The following RMDN1 variants were observed in gnomAD, a reference collection of about 807,000 sequenced individuals.
RMDN1 encodes regulator of microtubule dynamics 1.
Under a neutral mutation model 48.9 loss-of-function variants are expected in RMDN1, and 48 were observed. The observed-to-expected ratio is 0.98, with a 90% CI of 0.78 to 1.25. The LOEUF (loss-of-function observed/expected upper bound fraction) is 1.25, where lower values mean the gene tolerates loss of function less well. Ranked by LOEUF, RMDN1 falls within the 50% of genes most tolerant of loss-of-function variation. The pLI is 0.00. For synonymous variants in RMDN1, 148 were observed against 132.6 expected (o/e 1.12, Z -0.80); for missense variants, 418 against 373.4 (o/e 1.12, Z -0.98).
intron 2 of RMDN1, among the ~76,000 whole-genome samples, chr8:86,490,355 C>A (rs1816285341): frequency 6.6e-6 from 1 of 152,082 alleles, no homozygotes; most frequent in African/African-American, 2.4e-5. Flanking sequence ...CCCAGGTAGG[C>A]CCAATATAAT....
At chr8:86,469,185 G>A (rs567475259), downstream of RMDN1, among the ~76,000 whole-genome samples, 35 of 150,082 alleles carry the variant, frequency 2.3e-4, no homozygotes, top group Non-Finnish European at 4.6e-4. Flanking sequence ...TGTTTGTCCC[G>A]CCCCCCCCAT....
At chr8:86,497,779 A>G (rs946169349) in intron 2 of RMDN1, among the ~76,000 whole-genome samples, 2 of 152,072 alleles carry the variant, frequency 1.3e-5, no homozygotes, top group Non-Finnish European at 2.9e-5. Context: ...GACAATGGGA[A>G]TATTAACACT....
At chr8:86,493,928 C>G (rs907677690) in intron 2 of RMDN1, among the ~76,000 whole-genome samples, 5 of 152,112 alleles carry the variant, frequency 3.3e-5, no homozygotes, top group African/African-American at 1.2e-4. Context: ...GGAAACACTT[C>G]TAGTCCCAAG....
intron 2 of RMDN1, among the ~76,000 whole-genome samples, chr8:86,501,130 T>C (rs915417506): frequency 6.6e-6 from 1 of 152,062 alleles, no homozygotes; most frequent in Middle Eastern, 3.2e-3. Context: ...AAATCACTTG[T>C]ACACCGAATT....
chr8:86,504,972 A>G (rs7463186), intron 2 of RMDN1: 762,054 of 1,430,920 alleles, frequency 0.53, 205,350 homozygotes, highest in Admixed American at 0.7. Flanking sequence ...ATGGGCCTTT[A>G]AAAGGCAGGC....
rs1419383427 is a variant in RMDN1 at position 86,473,445 on chromosome 8, T to G, written c.*863A>C. On this transcript the variant is annotated 3_prime_UTR_variant, in exon 10 of 10. Transcript: ENST00000406452. ...TAGAACTTTGCATCTGATGACAAAT[T>G]CAGTTTACCATGAGACTACACCACA... The G allele has an allele frequency of 1.0e-6, 1 of 985,368 alleles. No homozygotes were observed. Among genetic ancestry groups the G allele is most frequent in the Non-Finnish European group, 1.2e-6 (1 of 829,908 alleles). 61.0% of individuals were successfully genotyped at this position (985,368 alleles called of 1,614,324 possible).
intron 2 of RMDN1, among the ~76,000 whole-genome samples, chr8:86,492,651 T>TTAATAATAA (rs71574272): frequency 3.8e-4 from 55 of 144,280 alleles, no homozygotes; most frequent in East Asian, 8.1e-4. Flanking sequence ...AGACTCCGCC[T>TTAATAATAA]TAATAATAAT....
intron 2 of RMDN1, chr8:86,504,975 A>C (rs1819066584): frequency 7.0e-6 from 10 of 1,432,890 alleles, no homozygotes; most frequent in Non-Finnish European, 9.7e-6. Flanking sequence ...GGCCTTTAAA[A>C]GGCAGGCACA....
chr8:86,474,665 G>T (rs1462320146), intron 9 of RMDN1, 155 bp downstream of exon 9: 8 of 820,010 alleles, frequency 9.8e-6, no homozygotes, highest in Non-Finnish European at 1.7e-5. Flanking sequence ...TTCCTATATA[G>T]AAATATAAAT....
intron 2 of RMDN1, among the ~76,000 whole-genome samples, chr8:86,491,758 A>T (rs563130859): frequency 6.6e-6 from 1 of 152,314 alleles, no homozygotes; most frequent in South Asian, 2.1e-4. Context: ...AGAATTTTTT[A>T]AAGAAATGCC....
intron 2 of RMDN1, among the ~76,000 whole-genome samples, chr8:86,491,006 T>G (rs992509420): frequency 6.6e-6 from 1 of 151,818 alleles, no homozygotes; most frequent in Non-Finnish European, 1.5e-5. Flanking sequence ...AAAAAAAAAG[T>G]AGAAATTTAG....
intron 2 of RMDN1, among the ~76,000 whole-genome samples, chr8:86,495,156 G>A (rs565103509): frequency 6.6e-6 from 1 of 152,222 alleles, no homozygotes; most frequent in South Asian, 2.1e-4. Context: ...AAGACATTGA[G>A]AGTGGATATG....
intron 5 of RMDN1, chr8:86,483,139 T>C (rs904994515): frequency 5.9e-6 from 2 of 338,442 alleles, no homozygotes; most frequent in African/African-American, 4.2e-5. Context: ...GTTACCACTT[T>C]AGATATATAA....
chr8:86,477,644 A>G (rs1053102305), intron 7 of RMDN1, among the ~76,000 whole-genome samples: 7 of 152,240 alleles, frequency 4.6e-5, no homozygotes, highest in African/African-American at 1.7e-4. Context: ...CTCTTAAATC[A>G]TAACTAGTGA....
At chr8:86,488,315 CAAAA>C (rs1260691297) in intron 3 of RMDN1, among the ~76,000 whole-genome samples, 1 of 151,566 alleles carries the variant, frequency 6.6e-6, no homozygotes, top group South Asian at 2.1e-4. Flanking sequence ...ATGGAAAAAT[CAAAA>C]AAAATTTCAA....
rs1289553708 is a variant in RMDN1 at position 86,485,096 on chromosome 8, TA to T, written c.496-136del. The T allele has an allele frequency of 5.6e-6, 3 of 534,012 alleles. No individual in the cohort carries two copies. The East Asian group carries it at 9.8e-5, about 17-fold the overall frequency. The allele number at this position is 534,012 out of a possible 1,614,324, so 33.1% of individuals were successfully genotyped here. On this transcript the variant is annotated intron_variant, in intron 4 of 9. Coordinates refer to ENST00000406452, the MANE Select transcript of RMDN1 (RefSeq NM_016033.3). The stretch of plus-strand genomic sequence containing the variant: ...CTGAGCATAAAAACTGTATTAAATG[TA>T]ATGGAATATATAAAGAGAAGTGGAC...
chr8:86,486,695 G>T, intron 3 of RMDN1, 52 bp from the exon 4 acceptor site: 1 of 1,435,608 alleles, frequency 7.0e-7, no homozygotes, highest in Non-Finnish European at 9.4e-7. Flanking sequence ...TTTAAAAATT[G>T]TTAAGGGTTA....
At chr8:86,480,708 A>G (rs1407304208) in intron 5 of RMDN1, among the ~76,000 whole-genome samples, 1 of 152,098 alleles carries the variant, frequency 6.6e-6, no homozygotes, top group Non-Finnish European at 1.5e-5. Context: ...CAAACTGTAG[A>G]TGAATACTGA....
chr8:86,475,223 A>G (rs191304206), intron 8 of RMDN1, among the ~76,000 whole-genome samples: 21 of 152,334 alleles, frequency 1.4e-4, no homozygotes, highest in Admixed American at 1.4e-3. Flanking sequence ...TCCATTTTAT[A>G]GATGAGAAGC....
Sources: allele counts gnomAD v4.1 joint callset (sites outside exome capture counted in the v4.1 genomes callset), GRCh38; gene constraint gnomAD v4.1.1; transcripts MANE v1.5; gene names NCBI Gene and HGNC (gene_info 2026-07-23, HGNC 2026-07-21).